The following MDGA2 variants were observed in gnomAD, a reference collection of about 807,000 sequenced individuals.
The protein encoded by MDGA2 is MAM domain containing glycosylphosphatidylinositol anchor 2.
A neutral mutation model predicts 117.8 loss-of-function variants in MDGA2; 40 were observed. That is an observed-to-expected ratio of 0.34 (90% CI 0.26 to 0.44). MDGA2 has a LOEUF of 0.44. MDGA2 is among the 20% of genes least tolerant of loss of function. MDGA2 has a pLI of 1.00. For synonymous variants in MDGA2, 452 were observed against 439.0 expected, an observed-to-expected ratio of 1.03 and a Z score of -0.37; for missense variants, 1,123 against 1,250.6, an observed-to-expected ratio of 0.90 and a Z score of 1.54.
At chr14:47,485,865 CAGA>C (rs2138643499) in intron 1 of MDGA2, among the ~76,000 whole-genome samples, 1 of 152,336 alleles carries the variant, frequency 6.6e-6, no homozygotes, top group African/African-American at 2.4e-5. Context: ...GCCTAGATTT[CAGA>C]AGATGTATGA....
In MDGA2 at chr14:47,073,595, T is replaced by C. The variant is rs532796161; in HGVS notation, c.1196-12017A>G. 4.7e-4 allele frequency among the ~76,000 whole-genome samples: 71 copies of C among 152,268 alleles called. 1 individual carries two copies. The South Asian group carries it at 0.015, about 31-fold the overall frequency. Reference sequence around the variant, plus strand: ...AAGAGCCTAGTGATGGGGAAAAGTATAGAAACCAAAAATTTGATAAAGACA... The same window carrying C: ...AAGAGCCTAGTGATGGGGAAAAGTACAGAAACCAAAAATTTGATAAAGACA... On this transcript the variant is annotated intron_variant, in intron 6 of 16. Transcript: ENST00000399232.
chr14:47,408,056 C>CTTTTTTTT (rs56285818), intron 1 of MDGA2, among the ~76,000 whole-genome samples: 10 of 115,176 alleles, frequency 8.7e-5, no homozygotes, highest in East Asian at 5.4e-4. Context: ...GGAGATTATT[C>CTTTTTTTT]TTTTTTTTTT....
chr14:47,003,367 G>GA (rs34952989), intron 8 of MDGA2, among the ~76,000 whole-genome samples: 36,147 of 148,270 alleles, frequency 0.24, 4,559 homozygotes, highest in Non-Finnish European at 0.29. Context: ...AAAACAAAAT[G>GA]AAAAAAAAAA....
intron 3 of MDGA2, among the ~76,000 whole-genome samples, chr14:47,215,406 T>G (rs1426711968): frequency 1.3e-5 from 2 of 152,204 alleles, no homozygotes; most frequent in Admixed American, 6.5e-5. Flanking sequence ...TAGTCATGTC[T>G]TTATCAACAA....
At chr14:47,587,729 C>A (rs1013189451) in intron 1 of MDGA2, among the ~76,000 whole-genome samples, 1 of 151,924 alleles carries the variant, frequency 6.6e-6, no homozygotes, top group Non-Finnish European at 1.5e-5. Flanking sequence ...ATACAATCTG[C>A]AAGCCATAAA....
At chr14:47,378,180 A>G (rs1891525079) in intron 1 of MDGA2, among the ~76,000 whole-genome samples, 1 of 152,350 alleles carries the variant, frequency 6.6e-6, no homozygotes, top group South Asian at 2.1e-4. Flanking sequence ...ACAAACAGAA[A>G]CAACATCCAC....
chr14:47,261,546 C>T (rs1375951750), intron 2 of MDGA2, among the ~76,000 whole-genome samples: 2 of 152,108 alleles, frequency 1.3e-5, no homozygotes, highest in Non-Finnish European at 2.9e-5. Flanking sequence ...TGCTACATTA[C>T]ACAAGTATGA....
At chr14:46,947,689 G>A (rs749041159) in intron 9 of MDGA2, among the ~76,000 whole-genome samples, 1 of 151,892 alleles carries the variant, frequency 6.6e-6, no homozygotes, top group Non-Finnish European at 1.5e-5. Flanking sequence ...GCTCCTCCTT[G>A]CCTTCCACCA....
chr14:47,464,667 C>T (rs1260462939), intron 1 of MDGA2, among the ~76,000 whole-genome samples: 1 of 152,006 alleles, frequency 6.6e-6, no homozygotes, highest in Non-Finnish European at 1.5e-5. Context: ...AAACACTGCT[C>T]AAAGAAATCA....
intron 10 of MDGA2, among the ~76,000 whole-genome samples, chr14:46,903,779 T>C (rs1883384049): frequency 6.6e-6 from 1 of 152,188 alleles, no homozygotes; most frequent in South Asian, 2.1e-4. Context: ...TCTCGGTTTG[T>C]GCCTTTGCCC....
intron 1 of MDGA2, among the ~76,000 whole-genome samples, chr14:47,470,598 T>C (rs1380240073): frequency 6.6e-6 from 1 of 152,274 alleles, no homozygotes; most frequent in Admixed American, 6.5e-5. Flanking sequence ...GTCTTTATCG[T>C]AGAATGATTT....
chr14:47,504,539 T>C (rs992431172), intron 1 of MDGA2, among the ~76,000 whole-genome samples: 7 of 152,152 alleles, frequency 4.6e-5, no homozygotes, highest in Admixed American at 4.6e-4. Flanking sequence ...AGAAAGATCT[T>C]AATAGACATT....
chr14:47,228,054 C>G (rs536168479), intron 2 of MDGA2, among the ~76,000 whole-genome samples: 7 of 152,086 alleles, frequency 4.6e-5, no homozygotes, highest in Admixed American at 1.3e-4. Flanking sequence ...TCTTTCCCAT[C>G]TCGATTACTG....
chr14:47,647,572 C>T (rs919578773), intron 1 of MDGA2, among the ~76,000 whole-genome samples: 1 of 152,116 alleles, frequency 6.6e-6, no homozygotes, highest in African/African-American at 2.4e-5. Flanking sequence ...ACACTGTATA[C>T]AATACTGATC....
In MDGA2 at chr14:47,566,867, G is replaced by T. The variant is rs568324620; in HGVS notation, c.280+107650C>A. On this transcript the variant is annotated intron_variant, in intron 1 of 16. Transcript: ENST00000399232. ...TTCCTGGTGTCCCAGTTCCTTGGTG[G>T]TAGACTCTCCTCCTTGTTGCATCTA... 2.4e-4 allele frequency among the ~76,000 whole-genome samples: 37 copies of T among 151,472 alleles called. No individual in the cohort carries two copies. The South Asian group carries it at 7.1e-3, about 29-fold the overall frequency.
intron 3 of MDGA2, among the ~76,000 whole-genome samples, chr14:47,208,935 A>C (rs1057189073): frequency 8.6e-5 from 13 of 152,038 alleles, no homozygotes; most frequent in African/African-American, 3.1e-4. Flanking sequence ...TTTATGAAAA[A>C]CACTACAAGC....
chr14:47,114,609 T>C (rs1002462342), intron 5 of MDGA2, among the ~76,000 whole-genome samples: 8 of 151,884 alleles, frequency 5.3e-5, no homozygotes, highest in African/African-American at 1.9e-4. Flanking sequence ...ATCTCAGAAA[T>C]AAAACTGCAC....
chr14:47,451,598 T>A (rs1893241984), intron 1 of MDGA2, among the ~76,000 whole-genome samples: 1 of 152,048 alleles, frequency 6.6e-6, no homozygotes, highest in African/African-American at 2.4e-5. Flanking sequence ...AATAGATGCA[T>A]TTAATGGGCC....
intron 5 of MDGA2, among the ~76,000 whole-genome samples, chr14:47,128,606 C>T (rs1353243142): frequency 6.6e-6 from 1 of 151,904 alleles, no homozygotes; most frequent in Non-Finnish European, 1.5e-5. Flanking sequence ...TCCAATTTCC[C>T]CTTTTTTAAG....
Sources: allele counts gnomAD v4.1 joint callset (sites outside exome capture counted in the v4.1 genomes callset), GRCh38; gene constraint gnomAD v4.1.1; transcripts MANE v1.5; gene names NCBI Gene and HGNC (gene_info 2026-07-23, HGNC 2026-07-21).